IGF2BP3: variants seen among roughly 807,000 people sequenced by gnomAD.
The protein encoded by IGF2BP3 is insulin like growth factor 2 mRNA binding protein 3, also known as insulin-like growth factor 2 mRNA-binding protein 3.
Under a neutral mutation model 73.8 loss-of-function variants are expected in IGF2BP3, and 9 were observed. The ratio of observed to expected loss-of-function variants is 0.12; its 90% CI spans 0.07 to 0.21. The LOEUF is 0.21. IGF2BP3 is among the 10% of genes least tolerant of loss of function. The pLI is 1.00. For synonymous variants in IGF2BP3, 258 were observed against 256.7 expected, an observed-to-expected ratio of 1.01 and a Z score of -0.05; for missense variants, 542 against 714.0, an observed-to-expected ratio of 0.76 and a Z score of 2.75.
At chr7:23,387,308 C>A (rs1021767934) in intron 3 of IGF2BP3, among the ~76,000 whole-genome samples, 1 of 152,142 alleles carries the variant, frequency 6.6e-6, no homozygotes, top group African/African-American at 2.4e-5. Flanking sequence ...TTCCTGAAAA[C>A]TGTCCAGATC....
intron 2 of IGF2BP3, among the ~76,000 whole-genome samples, chr7:23,455,022 G>T (rs1644604903): frequency 6.6e-6 from 1 of 152,164 alleles, no homozygotes; most frequent in Non-Finnish European, 1.5e-5. Flanking sequence ...AATGTTTTGG[G>T]AGCATAGCCA....
At chr7:23,322,292 G>A (rs369177594) in intron 10 of IGF2BP3, among the ~76,000 whole-genome samples, 2 of 152,206 alleles carry the variant, frequency 1.3e-5, no homozygotes, top group African/African-American at 2.4e-5. Context: ...CTCAGGAGCC[G>A]ATGTGATCAA....
rs767663339 is a variant in IGF2BP3 at position 23,312,692 on chromosome 7, C to T, written c.1641+43G>A. On this transcript the variant is annotated intron_variant, in intron 14 of 14. Coordinates refer to ENST00000258729, the MANE Select transcript of IGF2BP3 (RefSeq NM_006547.3). ...AGGAGCACCTGTGGGAGAATTGCTT[C>T]CACGTGAGAAAGATACAATAGCTTA... The T allele has an allele frequency of 2.9e-6, 4 of 1,358,774 alleles. No homozygotes were observed. The Admixed American group carries it at 7.2e-5, about 24-fold the overall frequency. 84.2% of individuals were successfully genotyped at this position (1,358,774 alleles called of 1,614,324 possible).
At chr7:23,395,968 G>A (rs1033117782) in intron 3 of IGF2BP3, among the ~76,000 whole-genome samples, 9 of 149,940 alleles carry the variant, frequency 6.0e-5, no homozygotes, top group South Asian at 2.1e-4. Flanking sequence ...TCAATGACCC[G>A]AGACAACAAA....
Position 23,310,706 on chromosome 7 carries a change from A to G in IGF2BP3, c.*1656T>C, listed in dbSNP as rs1224545135. 2 of 152,238 alleles carry G rather than the reference A, an allele frequency of 1.3e-5. No individual in the cohort carries two copies. Among genetic ancestry groups the G allele is most frequent in the Admixed American group, 6.5e-5 (1 of 15,284 alleles). The allele number at this position is 152,238 out of a possible 1,614,324, so 9.4% of individuals were successfully genotyped here. ...GAGAACATTAAGGAAAACACTTTAA[A>G]TCATTTTCAAAATGTCTAATTGATC... On this transcript the variant is annotated 3_prime_UTR_variant, in exon 15 of 15. Coordinates refer to ENST00000258729, the MANE Select transcript of IGF2BP3 (RefSeq NM_006547.3).
chr7:23,404,146 G>GA (rs957268282), intron 3 of IGF2BP3, among the ~76,000 whole-genome samples: 80 of 133,026 alleles, frequency 6.0e-4, no homozygotes, highest in Admixed American at 9.8e-4. Context: ...AAATCAAATG[G>GA]AAAAAAAAAA....
intron 12 of IGF2BP3, 96 bp from the exon 13 acceptor site, chr7:23,313,749 C>A (rs1783896985): frequency 2.6e-6 from 3 of 1,140,118 alleles, no homozygotes; most frequent in East Asian, 2.4e-5. Context: ...TGGGATAGCC[C>A]TTTGCAGTGA....
In IGF2BP3 at chr7:23,361,604, G is replaced by A; in HGVS notation, c.338-7C>T. On this transcript the variant is annotated splice_polypyrimidine_tract_variant and splice_region_variant and intron_variant, in intron 4 of 14. Coordinates refer to ENST00000258729, the MANE Select transcript of IGF2BP3 (RefSeq NM_006547.3). ...GTTTCCGAGTCAGTGTTCACTAGAG[G>A]AAGAGAAAAACGAAGAGAATAAAAG... The A allele has an allele frequency of 1.9e-6, 3 of 1,613,498 alleles. No homozygotes were observed. Among genetic ancestry groups the A allele is most frequent in the South Asian group, 1.1e-5 (1 of 91,048 alleles).
chr7:23,389,828 TAAAAAAAA>T (rs748999337), intron 3 of IGF2BP3, among the ~76,000 whole-genome samples: 1 of 108,414 alleles, frequency 9.2e-6, no homozygotes, highest in Non-Finnish European at 1.9e-5. Flanking sequence ...ATCCCTTCTG[TAAAAAAAA>T]AAAAAAAAAA....
At chr7:23,361,784 A>G in intron 3 of IGF2BP3, 43 bp from the exon 4 acceptor site, 2 of 1,538,224 alleles carry the variant, frequency 1.3e-6, no homozygotes, top group Non-Finnish European at 1.8e-6. Context: ...TGAGTTTCCC[A>G]AGTTATTATC....
rs576360758 is a variant in IGF2BP3 at position 23,364,505 on chromosome 7, G to A, written c.286-2764C>T. ...GGAGATTGCAGTGAGCTGAGAGCAC[G>A]CCACTGCATTCCAGCCTGGGAAACA... is the stretch of plus-strand genomic sequence containing the variant. On this transcript the variant is annotated intron_variant, in intron 3 of 14. Transcript: ENST00000258729. Among the ~76,000 whole-genome samples the A allele has an allele frequency of 1.4e-4, 17 of 120,318 alleles. No homozygotes were observed. The South Asian group carries it at 3.0e-3, about 21-fold the overall frequency. 78.9% of individuals were successfully genotyped at this position (120,318 alleles called of 152,430 possible).
chr7:23,335,064 C>CT (rs1267400157), intron 10 of IGF2BP3, among the ~76,000 whole-genome samples: 1 of 94,876 alleles, frequency 1.1e-5, no homozygotes, highest in Non-Finnish European at 2.1e-5. Flanking sequence ...ATATTGAAGT[C>CT]TTTAACATTA....
chr7:23,442,213 G>A (rs568232323), intron 2 of IGF2BP3, among the ~76,000 whole-genome samples: 11 of 152,260 alleles, frequency 7.2e-5, no homozygotes, highest in African/African-American at 2.4e-4. Context: ...AGGCATAATG[G>A]TTGTCATTGG....
intron 2 of IGF2BP3, among the ~76,000 whole-genome samples, chr7:23,451,065 T>A (rs34287907): frequency 0.35 from 52,687 of 151,998 alleles, 9,511 homozygotes; most frequent in Middle Eastern, 0.41. Context: ...AGTTACCAGT[T>A]TCCAGTTGCC....
At chr7:23,441,200 G>C (rs1242082865) in intron 2 of IGF2BP3, among the ~76,000 whole-genome samples, 3 of 152,108 alleles carry the variant, frequency 2.0e-5, no homozygotes, top group Non-Finnish European at 4.4e-5. Context: ...CACATCTTAA[G>C]GTGGAAGGAT....
At chr7:23,319,102 T>G in intron 11 of IGF2BP3, 36 bp downstream of exon 11, 1 of 1,307,420 alleles carries the variant, frequency 7.6e-7, no homozygotes, top group Non-Finnish European at 1.1e-6. Flanking sequence ...GTAACTTACT[T>G]AAAGAACCAG....
chr7:23,353,719 A>T (rs2128505608), intron 5 of IGF2BP3, among the ~76,000 whole-genome samples: 1 of 152,348 alleles, frequency 6.6e-6, no homozygotes. Context: ...TCTATGTCAG[A>T]GGGCATTCTT....
At chr7:23,386,419 C>T (rs1047914057) in intron 3 of IGF2BP3, among the ~76,000 whole-genome samples, 2 of 152,094 alleles carry the variant, frequency 1.3e-5, no homozygotes, top group Non-Finnish European at 2.9e-5. Context: ...AAAAACCAAT[C>T]GCAACCAACC....
intron 3 of IGF2BP3, among the ~76,000 whole-genome samples, chr7:23,371,307 T>A (rs1015409165): frequency 6.6e-6 from 1 of 151,944 alleles, no homozygotes; most frequent in African/African-American, 2.4e-5. Flanking sequence ...GCTAGGGATA[T>A]GGAGATGAAG....
Sources: allele counts gnomAD v4.1 joint callset (sites outside exome capture counted in the v4.1 genomes callset), GRCh38; gene constraint gnomAD v4.1.1; transcripts MANE v1.5; gene names NCBI Gene and HGNC (gene_info 2026-07-23, HGNC 2026-07-21).